Variants in ARF4 observed in about 807,000 individuals in gnomAD.
ARF4 encodes ADP-ribosylation factor 4.
In ARF4, 5 loss-of-function variants were observed where a neutral mutation model predicts 24.3. The ratio of observed to expected loss-of-function variants is 0.21; its 90% CI spans 0.11 to 0.43. The LOEUF is 0.43. ARF4 is among the 20% of genes least tolerant of loss of function. The probability of loss-of-function intolerance (pLI) is 1.00; values close to 1 mark genes in which losing one functional copy is unlikely to be tolerated. For missense variants in ARF4, 107 were observed against 213.0 expected, an observed-to-expected ratio of 0.50 and a Z score of 3.10; for synonymous variants, 62 against 73.5, an observed-to-expected ratio of 0.84 and a Z score of 0.80.
intron 2 of ARF4, 109 bp from the exon 3 acceptor site, chr3:57,584,116 T>TA (rs1553730600): frequency 1.3e-6 from 1 of 797,746 alleles, no homozygotes; most frequent in African/African-American, 1.8e-5. Flanking sequence ...TTTTTATTTT[T>TA]AAAAAATATA....
chr3:57,588,700 T>G (rs1559786365), intron 1 of ARF4, among the ~76,000 whole-genome samples: 1 of 114,814 alleles, frequency 8.7e-6, no homozygotes, highest in East Asian at 2.6e-4. Context: ...CTCACACCTG[T>G]AATCCCAGCA....
chr3:57,582,081 C>A (rs2069980422), intron 3 of ARF4, among the ~76,000 whole-genome samples: 1 of 152,114 alleles, frequency 6.6e-6, no homozygotes, highest in Non-Finnish European at 1.5e-5. Flanking sequence ...CCAAAACCCC[C>A]AAAATTCTGA....
In ARF4 at chr3:57,572,236, C is replaced by T; in HGVS notation, c.519G>A (p.Leu173=). Residue 173 remains leucine (L), a synonymous_variant, in exon 6 of 6, where the codon CTG becomes CTA. Transcript: ENST00000303436. ...TTTAACGTTTTGAAAGCTCATTTGA[C>T]AGCCAGTCAAGTCCTTCATACAGAC... ...GTGLYEGLDW[L]SNELSKR 9 of 1,614,078 alleles carry T rather than the reference C, an allele frequency of 5.6e-6. No individual in the cohort carries two copies. Among genetic ancestry groups the T allele is most frequent in the Non-Finnish European group, 7.6e-6 (9 of 1,179,950 alleles).
At chr3:57,587,362 CAAAGAAAAGAATT>C (rs899458579) in intron 1 of ARF4, among the ~76,000 whole-genome samples, 4 of 137,900 alleles carry the variant, frequency 2.9e-5, no homozygotes, top group African/African-American at 1.1e-4. Flanking sequence ...AAAATACTGA[CAAAGAAAAGAATT>C]GAAGAAATCC....
chr3:57,572,053 A>T lies in ARF4; in HGVS notation c.*159T>A, dbSNP rs1477018748. The T allele has an allele frequency of 3.4e-6, 2 of 591,084 alleles. No individual in the cohort carries two copies. Among genetic ancestry groups the T allele is most frequent in the African/African-American group, 3.7e-5 (2 of 53,960 alleles). 36.6% of individuals were successfully genotyped at this position (591,084 alleles called of 1,614,324 possible). ...ACCAAGCACATTGCTAAATAGCAAC[A>T]TTATACTCGGTAAACAATAATTGGC... On this transcript the variant is annotated 3_prime_UTR_variant, in exon 6 of 6. Transcript: ENST00000303436.
chr3:57,590,132 TAAAAC>T (rs1250633267), intron 1 of ARF4, among the ~76,000 whole-genome samples: 1 of 136,226 alleles, frequency 7.3e-6, no homozygotes, highest in African/African-American at 2.7e-5. Flanking sequence ...AATAAATAAA[TAAAAC>T]AAAAAACAAA....
chr3:57,592,872 A>G (rs975590779), intron 1 of ARF4, among the ~76,000 whole-genome samples: 2 of 152,172 alleles, frequency 1.3e-5, no homozygotes, highest in African/African-American at 4.8e-5. Context: ...ACTAAACATC[A>G]CAACTACAAT....
chr3:57,596,008 G>A (rs2070177352), intron 1 of ARF4, among the ~76,000 whole-genome samples: 1 of 151,764 alleles, frequency 6.6e-6, no homozygotes, highest in South Asian at 2.1e-4. Flanking sequence ...ACAAGCTAAT[G>A]AACCAACAAG....
chr3:57,584,059 A>C, intron 2 of ARF4, 52 bp from the exon 3 acceptor site: 3 of 1,236,866 alleles, frequency 2.4e-6, no homozygotes, highest in African/African-American at 1.5e-5. Context: ...AGAAAATAAA[A>C]CCTTTTATTG....
chr3:57,573,327 A>C (rs560032144), intron 5 of ARF4, among the ~76,000 whole-genome samples: 3 of 152,326 alleles, frequency 2.0e-5, no homozygotes, highest in East Asian at 3.8e-4. Context: ...AATGGCAACG[A>C]ATCTTATCTC....
At chr3:57,574,660 G>T (rs1045003214) in intron 5 of ARF4, among the ~76,000 whole-genome samples, 3 of 152,012 alleles carry the variant, frequency 2.0e-5, no homozygotes. Context: ...TCCTGCCTTG[G>T]GTTCCCAAAG....
At chr3:57,585,385 T>C (rs1280182836) in intron 1 of ARF4, among the ~76,000 whole-genome samples, 1 of 152,230 alleles carries the variant, frequency 6.6e-6, no homozygotes, top group African/African-American at 2.4e-5. Flanking sequence ...AGTGACCTTA[T>C]AATGATAATA....
At chr3:57,579,423 G>A (rs1012648087) in intron 3 of ARF4, among the ~76,000 whole-genome samples, 4 of 151,798 alleles carry the variant, frequency 2.6e-5, no homozygotes, top group Non-Finnish European at 5.9e-5. Flanking sequence ...GAGTAGCTGA[G>A]ATTACAGGCG....
At chr3:57,589,102 CA>C (rs58218892) in intron 1 of ARF4, among the ~76,000 whole-genome samples, 106,893 of 142,428 alleles carry the variant, frequency 0.75, 41,283 homozygotes, top group East Asian at 0.99. Flanking sequence ...AACTCCGTCT[CA>C]AAAAAAAAAA....
chr3:57,584,511 C>A, intron 1 of ARF4, 47 bp from the exon 2 acceptor site: 2 of 1,454,526 alleles, frequency 1.4e-6, no homozygotes, highest in Non-Finnish European at 9.5e-7. Context: ...AAAGCACACT[C>A]CAAGAAATAA....
intron 1 of ARF4, among the ~76,000 whole-genome samples, chr3:57,590,522 T>A (rs1056181536): frequency 6.6e-6 from 1 of 151,990 alleles, no homozygotes; most frequent in Non-Finnish European, 1.5e-5. Context: ...GATCTCAACT[T>A]TGAGGGAGAA....
chr3:57,578,777 C>T (rs7617647), intron 3 of ARF4, among the ~76,000 whole-genome samples: 113,720 of 151,978 alleles, frequency 0.75, 44,632 homozygotes, highest in East Asian at 1. Context: ...TGGCACCTGG[C>T]CCATTATTAG....
At chr3:57,594,552 A>G (rs940081775) in intron 1 of ARF4, among the ~76,000 whole-genome samples, 3 of 152,248 alleles carry the variant, frequency 2.0e-5, no homozygotes, top group Admixed American at 6.5e-5. Context: ...CTAACTTCCA[A>G]TATCTTTTAA....
intron 1 of ARF4, among the ~76,000 whole-genome samples, chr3:57,590,855 T>G (rs976986105): frequency 6.6e-6 from 1 of 152,132 alleles, no homozygotes; most frequent in African/African-American, 2.4e-5. Context: ...ATTTTTAAAA[T>G]TTTTTTGTAG....
Sources: allele counts gnomAD v4.1 joint callset (sites outside exome capture counted in the v4.1 genomes callset), GRCh38; gene constraint gnomAD v4.1.1; transcripts MANE v1.5; gene names NCBI Gene and HGNC (gene_info 2026-07-23, HGNC 2026-07-21).